STRN: variants seen among roughly 807,000 people sequenced by gnomAD.
The protein encoded by STRN is protein phosphatase 2 regulatory subunit B'''alpha.
In STRN, 53 loss-of-function variants were observed where a neutral mutation model predicts 96.3. That is an observed-to-expected ratio of 0.55 (90% CI 0.44 to 0.69). STRN has a LOEUF of 0.69. STRN is among the 30% of genes least tolerant of loss of function. STRN has a pLI of 0.00. For missense variants in STRN, 987 were observed against 963.9 expected (o/e 1.02, Z -0.32); for synonymous variants, 428 against 355.9 (o/e 1.20, Z -2.28).
chr2:36,922,782 T>C (rs1670295831), intron 2 of STRN, among the ~76,000 whole-genome samples: 1 of 151,994 alleles, frequency 6.6e-6, no homozygotes, highest in Non-Finnish European at 1.5e-5. Flanking sequence ...ACAAACACCT[T>C]CTTATTTGAT....
chr2:36,912,002 T>A (rs906694955), intron 3 of STRN, among the ~76,000 whole-genome samples: 1 of 152,148 alleles, frequency 6.6e-6, no homozygotes, highest in African/African-American at 2.4e-5. Flanking sequence ...TATAAAGCTA[T>A]CACTTGTGGA....
rs554728570 is a variant in STRN at position 36,897,809 on chromosome 2, G to A, written c.795+1714C>T. Among the ~76,000 whole-genome samples, 8 of 151,974 alleles carry A rather than the reference G, an allele frequency of 5.3e-5. No individual in the cohort carries two copies. In the South Asian group the frequency reaches 8.3e-4, roughly 16 times the overall value. The stretch of plus-strand genomic sequence containing the variant: ...CAACATCAAATTCCTGGGCTCAAGC[G>A]ATCCTCCTTCCTCAGCCTCCCATGC... On this transcript the variant is annotated intron_variant, in intron 6 of 17. Coordinates refer to ENST00000263918, the MANE Select transcript of STRN (RefSeq NM_003162.4).
chr2:36,902,720 T>G lies in STRN; in HGVS notation c.523A>C (p.Ile175Leu), dbSNP rs766642292. 11 of 1,610,748 alleles carry G rather than the reference T, an allele frequency of 6.8e-6. No individual in the cohort carries two copies. Among genetic ancestry groups the G allele is most frequent in the Non-Finnish European group, 9.3e-6 (11 of 1,177,810 alleles). The change falls in exon 5 of 18, where the codon ATT becomes CTT. Residue 175 changes from isoleucine (I) to leucine (L), a missense_variant. Coordinates refer to ENST00000263918, the MANE Select transcript of STRN (RefSeq NM_003162.4). Reference sequence around the variant, plus strand: ...ACTCGTTTAGATTTCACATCTAGAATAGTATCTGTATAACCCACCTCCTGT... The same window carrying G: ...ACTCGTTTAGATTTCACATCTAGAAGAGTATCTGTATAACCCACCTCCTGT... The part of the protein sequence containing the change: ...YLQEVGYTDT[I>L]LDVKSKRVRA...
chr2:36,881,522 G>C (rs1362240872), intron 9 of STRN, among the ~76,000 whole-genome samples: 1 of 152,174 alleles, frequency 6.6e-6, no homozygotes, highest in South Asian at 2.1e-4. Context: ...GTGGACTGAA[G>C]ACCAAGAAGT....
At chr2:36,886,439 C>G (rs550383705) in intron 8 of STRN, among the ~76,000 whole-genome samples, 1 of 152,228 alleles carries the variant, frequency 6.6e-6, no homozygotes, top group South Asian at 2.1e-4. Context: ...CAAATTATCA[C>G]TGTGTTTGAA....
chr2:36,890,359 G>C (rs17443495), intron 7 of STRN, among the ~76,000 whole-genome samples: 61,388 of 151,756 alleles, frequency 0.4, 12,744 homozygotes, highest in East Asian at 0.54. Context: ...CCATGACAGA[G>C]TCCCTGAAGG....
chr2:36,902,829 A>C, intron 4 of STRN, 78 bp from the exon 5 acceptor site: 4 of 1,205,140 alleles, frequency 3.3e-6, no homozygotes, highest in Non-Finnish European at 4.6e-6. Flanking sequence ...AAAAGTATTT[A>C]TTTAAACTCA....
rs369980577 is a variant in STRN, at chr2:36,925,091, T to G, written c.338+14A>C. ...AAACAAAAAAGAACACCACTTTTCA[T>G]TTTACTGAATTACCTTTCCTGTTTA... On this transcript the variant is annotated intron_variant, in intron 2 of 17. Coordinates refer to ENST00000263918, the MANE Select transcript of STRN (RefSeq NM_003162.4). 133 of 1,595,930 alleles carry G rather than the reference T, an allele frequency of 8.3e-5. No individual in the cohort carries two copies. In the African/African-American group the frequency reaches 1.2e-3, roughly 14 times the overall value.
intron 1 of STRN, among the ~76,000 whole-genome samples, chr2:36,951,190 T>C (rs1278412902): frequency 6.6e-6 from 1 of 152,186 alleles, no homozygotes; most frequent in Non-Finnish European, 1.5e-5. Flanking sequence ...GGATGTTATG[T>C]CAAAGAGATT....
rs1667944239 is a variant in STRN, at chr2:36,841,245, G to C, written c.*8211C>G. ...TGTTAAAAGGCTGACCAAAAAGAAA[G>C]TAAGTCTGAATGTTTCAGAGTTGGG... On this transcript the variant is annotated 3_prime_UTR_variant, in exon 18 of 18. Transcript: ENST00000263918. 1 of 151,072 alleles carries C rather than the reference G, an allele frequency of 6.6e-6. No homozygotes were observed. The allele number at this position is 151,072 out of a possible 1,614,324, so 9.4% of individuals were successfully genotyped here.
At chr2:36,862,990 TG>T (rs1291720125) in intron 12 of STRN, among the ~76,000 whole-genome samples, 23 of 152,308 alleles carry the variant, frequency 1.5e-4, no homozygotes, top group African/African-American at 5.1e-4. Flanking sequence ...CCCAAAGTGC[TG>T]GGATTATAAG....
rs2540939 is a variant in STRN, at chr2:36,838,177, G to T, written c.*11279C>A. 6.6e-6 allele frequency among the ~76,000 whole-genome samples: 1 copy of T among 152,156 alleles called. No individual in the cohort carries two copies. The highest frequency in any genetic ancestry group is 1.5e-5 in the Non-Finnish European group (1 of 68,046). On this transcript the variant is annotated 3_prime_UTR_variant, in exon 18 of 18. Coordinates refer to ENST00000263918, the MANE Select transcript of STRN (RefSeq NM_003162.4). ...TTGATGCACCCTGGCAAGCTTTGAAGGTGGAAGGGACCACGTGCAAGGACC... is the reference window on the plus strand; with the variant it reads ...TTGATGCACCCTGGCAAGCTTTGAATGTGGAAGGGACCACGTGCAAGGACC...
intron 14 of STRN, among the ~76,000 whole-genome samples, chr2:36,856,672 T>G (rs1055912102): frequency 6.6e-6 from 1 of 152,196 alleles, no homozygotes; most frequent in Non-Finnish European, 1.5e-5. Flanking sequence ...GAAGGAACTT[T>G]GGGGAGATAA....
intron 7 of STRN, 138 bp downstream of exon 7, chr2:36,893,760 G>A: frequency 1.0e-6 from 1 of 985,250 alleles, no homozygotes; most frequent in East Asian, 2.7e-5. Context: ...ATTCACCCTG[G>A]ATAAAGGGTG....
At chr2:36,891,736 A>G (rs972986357) in intron 7 of STRN, among the ~76,000 whole-genome samples, 2 of 152,216 alleles carry the variant, frequency 1.3e-5, no homozygotes, top group African/African-American at 4.8e-5. Flanking sequence ...TTTCAGATGG[A>G]AAAAAGTTTA....
chr2:36,901,003 GAA>G (rs535903214), intron 5 of STRN, among the ~76,000 whole-genome samples: 1 of 134,866 alleles, frequency 7.4e-6, no homozygotes. Flanking sequence ...GCATTTTCCT[GAA>G]AAAAAAAAAA....
At chr2:36,860,068 C>T (rs1668437469) in intron 13 of STRN, among the ~76,000 whole-genome samples, 1 of 152,112 alleles carries the variant, frequency 6.6e-6, no homozygotes. Flanking sequence ...AAAGGCTTCT[C>T]CTTGACCAGA....
At chr2:36,924,004 G>T (rs1247418232) in intron 2 of STRN, among the ~76,000 whole-genome samples, 2 of 152,048 alleles carry the variant, frequency 1.3e-5, no homozygotes, top group Non-Finnish European at 2.9e-5. Flanking sequence ...AAATAGAAAG[G>T]TAAGATAAGC....
chr2:36,964,213 A>C (rs1665100671), intron 1 of STRN, among the ~76,000 whole-genome samples: 1 of 146,508 alleles, frequency 6.8e-6, no homozygotes, highest in South Asian at 2.2e-4. Flanking sequence ...GGAATTCCCC[A>C]ACTTCTACAG....
Sources: gnomAD v4.1 joint callset for allele counts (sites outside exome capture counted in the v4.1 genomes callset) on GRCh38, gnomAD v4.1.1 for gene constraint, MANE v1.5 for transcripts, NCBI Gene and HGNC (gene_info 2026-07-23, HGNC 2026-07-21) for gene names.